ATP11A: variants seen among roughly 807,000 people sequenced by gnomAD.
ATP11A encodes the protein phospholipid-transporting ATPase IH.
A neutral mutation model predicts 154.4 loss-of-function variants in ATP11A; 81 were observed. That is an observed-to-expected ratio of 0.52 (90% CI 0.44 to 0.63). The LOEUF (loss-of-function observed/expected upper bound fraction) is 0.63. Ranked by LOEUF, ATP11A falls within the 30% of genes least tolerant of loss-of-function variation. The pLI is 0.00. For synonymous variants in ATP11A, 623 were observed against 585.9 expected (o/e 1.06, Z -0.91); for missense variants, 1,316 against 1,474.3 (o/e 0.89, Z 1.76).
rs764610780 is a variant in ATP11A, at chr13:112,810,604, C to A, written c.334-15C>A. 2 of 1,608,062 alleles carry A rather than the reference C, an allele frequency of 1.2e-6. No individual in the cohort carries two copies. Among genetic ancestry groups the A allele is most frequent in the Non-Finnish European group, 8.5e-7 (1 of 1,174,804 alleles). On this transcript the variant is annotated splice_polypyrimidine_tract_variant and intron_variant, in intron 4 of 29. Transcript: ENST00000375645. ...TCCCTGCTTCCTCTCTCCCTTCTTT[C>A]CTTCCTTTTTTTAGGGTTATGAAGA...
intron 1 of ATP11A, among the ~76,000 whole-genome samples, chr13:112,706,085 T>C (rs1483795040): frequency 6.6e-6 from 1 of 152,164 alleles, no homozygotes; most frequent in Non-Finnish European, 1.5e-5. Context: ...TGGGCAACAC[T>C]CTTTTTTTTC....
intron 1 of ATP11A, among the ~76,000 whole-genome samples, chr13:112,714,257 G>A (rs575121007): frequency 6.6e-6 from 1 of 151,350 alleles, no homozygotes; most frequent in Non-Finnish European, 1.5e-5. Flanking sequence ...AATTAGCACC[G>A]ATTTTCCTTC....
chr13:112,778,682 T>G (rs1202612533), intron 1 of ATP11A, among the ~76,000 whole-genome samples: 7 of 36,110 alleles, frequency 1.9e-4, no homozygotes, highest in African/African-American at 3.8e-4. Context: ...GCCACTGGAG[T>G]GAGTAGCCGC....
intron 9 of ATP11A, among the ~76,000 whole-genome samples, chr13:112,823,613 C>T (rs533298728): frequency 3.9e-5 from 6 of 152,306 alleles, no homozygotes; most frequent in Admixed American, 1.3e-4. Context: ...ATACGGCTTA[C>T]GGATTAAGGC....
chr13:112,853,197 G>A (rs1179364203), intron 18 of ATP11A, among the ~76,000 whole-genome samples: 1 of 152,038 alleles, frequency 6.6e-6, no homozygotes, highest in East Asian at 1.9e-4. Flanking sequence ...CCTAGCCTGG[G>A]CAACATAAGG....
At chr13:112,822,022 G>A (rs115363926) in intron 8 of ATP11A, among the ~76,000 whole-genome samples, 35 of 152,230 alleles carry the variant, frequency 2.3e-4, no homozygotes, top group African/African-American at 5.3e-4. Context: ...GTCTTCAGCC[G>A]GATGCAGTTC....
At chr13:112,720,732 AT>A (rs2139630924) in intron 1 of ATP11A, among the ~76,000 whole-genome samples, 1 of 151,832 alleles carries the variant, frequency 6.6e-6, no homozygotes, top group East Asian at 1.9e-4. Context: ...TAATTTTTGT[AT>A]TTTTTGTAGA....
Position 112,800,952 on chromosome 13 carries a change from A to G in ATP11A, c.163-4005A>G, listed in dbSNP as rs2078117253. 2.0e-5 allele frequency among the ~76,000 whole-genome samples: 3 copies of G among 152,360 alleles called. No individual in the cohort carries two copies. The South Asian group carries it at 6.2e-4, about 32-fold the overall frequency. ...ATTTGACAAAATTCACTACCCACTC[A>G]TGTACTGCAGCAAACTAAAAACAGA... On this transcript the variant is annotated intron_variant, in intron 2 of 29. Coordinates refer to ENST00000375645, the MANE Select transcript of ATP11A (RefSeq NM_015205.3).
intron 1 of ATP11A, among the ~76,000 whole-genome samples, chr13:112,748,875 T>G (rs2076621430): frequency 2.0e-5 from 3 of 152,200 alleles, no homozygotes; most frequent in Non-Finnish European, 1.5e-5. Context: ...TGGAGGAGCT[T>G]CGAGGTCATG....
At chr13:112,784,991 A>T in intron 1 of ATP11A, 144 bp from the exon 2 acceptor site, 1 of 1,101,452 alleles carries the variant, frequency 9.1e-7, no homozygotes, top group Non-Finnish European at 1.2e-6. Flanking sequence ...GCTGGGCCCC[A>T]GGTCTCCCTG....
intron 1 of ATP11A, among the ~76,000 whole-genome samples, chr13:112,707,600 C>T (rs928695211): frequency 6.6e-6 from 1 of 151,970 alleles, no homozygotes; most frequent in Admixed American, 6.6e-5. Flanking sequence ...CACAGTCGAC[C>T]GGCATTTGAC....
intron 3 of ATP11A, among the ~76,000 whole-genome samples, chr13:112,805,449 G>A (rs1415883480): frequency 3.3e-5 from 5 of 152,146 alleles, no homozygotes; most frequent in Non-Finnish European, 4.4e-5. Flanking sequence ...CCAGCACTCT[G>A]GGAGGATCAC....
chr13:112,709,832 A>G (rs914555291), intron 1 of ATP11A, among the ~76,000 whole-genome samples: 1 of 152,284 alleles, frequency 6.6e-6, no homozygotes, highest in African/African-American at 2.4e-5. Context: ...TATTTGGCTC[A>G]GAATAAATCT....
intron 16 of ATP11A, among the ~76,000 whole-genome samples, chr13:112,837,127 G>A (rs139084259): frequency 5.3e-5 from 8 of 152,294 alleles, no homozygotes; most frequent in South Asian, 4.1e-4. Context: ...GGCAGGGCCC[G>A]TGGGCTCCGT....
chr13:112,819,252 G>A, intron 6 of ATP11A, 52 bp from the exon 7 acceptor site: 1 of 1,532,408 alleles, frequency 6.5e-7, no homozygotes, highest in Non-Finnish European at 9.0e-7. Context: ...CCAGCGTCTG[G>A]GTTTGTGTTG....
At chr13:112,744,362 C>T (rs759198773) in intron 1 of ATP11A, among the ~76,000 whole-genome samples, 5 of 148,914 alleles carry the variant, frequency 3.4e-5, no homozygotes, top group South Asian at 2.2e-4. Context: ...CGGCACCCGG[C>T]TTCGGATGGT....
intron 25 of ATP11A, among the ~76,000 whole-genome samples, chr13:112,870,100 G>A (rs1018793361): frequency 8.0e-6 from 1 of 125,412 alleles, no homozygotes; most frequent in Non-Finnish European, 1.8e-5. Flanking sequence ...TGACACTGTA[G>A]GCCAGGCATT....
rs558200748 is a variant in ATP11A at position 112,807,879 on chromosome 13, A to G, written c.333+1586A>G. Among the ~76,000 whole-genome samples, 26 of 152,238 alleles carry G rather than the reference A, an allele frequency of 1.7e-4. No homozygotes were observed. Among genetic ancestry groups the G allele is most frequent in the Non-Finnish European group, 3.7e-4 (25 of 68,000 alleles). ...GTGCAGAACAAGGGGCTGAGGCTCTATGGCTCTGTTCTTTCCAGCCTGGCC... is the reference window on the plus strand; with the variant it reads ...GTGCAGAACAAGGGGCTGAGGCTCTGTGGCTCTGTTCTTTCCAGCCTGGCC... On this transcript the variant is annotated intron_variant, in intron 4 of 29. Coordinates refer to ENST00000375645, the MANE Select transcript of ATP11A (RefSeq NM_015205.3). This position sits in a 1 kb window ranked among gnomAD's most constrained non-coding sequence, Gnocchi z 4.5.
At chr13:112,707,396 T>C (rs909269229) in intron 1 of ATP11A, among the ~76,000 whole-genome samples, 2 of 121,326 alleles carry the variant, frequency 1.6e-5, no homozygotes, top group Non-Finnish European at 3.4e-5. Flanking sequence ...GCCTGGGCAA[T>C]AAGAGTGAAA....
Sources: allele counts gnomAD v4.1 joint callset (sites outside exome capture counted in the v4.1 genomes callset), GRCh38; gene constraint gnomAD v4.1.1; non-coding constraint Gnocchi (gnomAD v3.1); transcripts MANE v1.5; gene names NCBI Gene and HGNC (gene_info 2026-07-23, HGNC 2026-07-21).